Variants in NBAS observed in about 807,000 individuals in gnomAD.
NBAS encodes NAG/BC035112 fusion.
A neutral mutation model predicts 302.5 loss-of-function variants in NBAS; 219 were observed. The ratio of observed to expected loss-of-function variants is 0.72; its 90% CI spans 0.65 to 0.81. The LOEUF is 0.81. NBAS is among the 30% of genes least tolerant of loss of function. NBAS has a pLI of 0.00. For synonymous variants in NBAS, 1,118 were observed against 1,021.6 expected, an observed-to-expected ratio of 1.09 and a Z score of -1.80; for missense variants, 2,932 against 2,841.6, an observed-to-expected ratio of 1.03 and a Z score of -0.72.
At chr2:15,343,042 C>A (rs1672927304) in intron 35 of NBAS, among the ~76,000 whole-genome samples, 2 of 151,758 alleles carry the variant, frequency 1.3e-5, no homozygotes, top group African/African-American at 2.4e-5. Flanking sequence ...ATTCAGATAT[C>A]AAGAGTGGCT....
chr2:15,171,663 C>T (rs774120379), intron 51 of NBAS, among the ~76,000 whole-genome samples: 4 of 152,094 alleles, frequency 2.6e-5, no homozygotes, highest in African/African-American at 9.7e-5. Flanking sequence ...AACTGTGTCC[C>T]GCACAAATTC....
chr2:15,468,339 C>T (rs777027282), intron 17 of NBAS, 43 bp downstream of exon 17: 4 of 1,611,706 alleles, frequency 2.5e-6, no homozygotes, highest in East Asian at 2.2e-5. Context: ...AAAGTTTTCA[C>T]AAAGTCACCT....
intron 34 of NBAS, among the ~76,000 whole-genome samples, chr2:15,352,352 A>G (rs1673401680): frequency 6.6e-6 from 1 of 152,162 alleles, no homozygotes; most frequent in Non-Finnish European, 1.5e-5. Context: ...AACAGCCTCA[A>G]TTCTTGCCTC....
At chr2:15,234,970 G>T (rs1232835441) in intron 45 of NBAS, among the ~76,000 whole-genome samples, 3 of 152,198 alleles carry the variant, frequency 2.0e-5, no homozygotes, top group African/African-American at 7.2e-5. Flanking sequence ...GGGCCTTTGT[G>T]ATCTCAAATT....
At chr2:15,424,585 T>C (rs1418921723) in intron 22 of NBAS, 117 bp from the exon 23 acceptor site, 26 of 1,190,194 alleles carry the variant, frequency 2.2e-5, no homozygotes, top group Non-Finnish European at 2.4e-5. Context: ...GGAGCATACA[T>C]GTATGTGGTT....
chr2:14,980,262 C>T, the NBAS span, among the ~76,000 whole-genome samples: 1 of 152,084 alleles, frequency 6.6e-6, no homozygotes, highest in Non-Finnish European at 1.5e-5. Flanking sequence ...AGGCAAAGAC[C>T]ACCTCACTCC....
chr2:15,310,978 G>A (rs996389083), intron 38 of NBAS, among the ~76,000 whole-genome samples: 3 of 152,182 alleles, frequency 2.0e-5, no homozygotes, highest in Admixed American at 1.3e-4. Context: ...GAATGATACA[G>A]CAGGAAGGAA....
chr2:15,202,143 A>C (rs1160028734), intron 48 of NBAS, among the ~76,000 whole-genome samples: 1 of 152,212 alleles, frequency 6.6e-6, no homozygotes, highest in Admixed American at 6.5e-5. Context: ...AAACCCAATG[A>C]AAGAACAGGA....
chr2:15,023,742 A>G, the NBAS span, among the ~76,000 whole-genome samples: 777 of 151,372 alleles, frequency 5.1e-3, 7 homozygotes, highest in African/African-American at 0.018. Flanking sequence ...AAAATGTACA[A>G]CTTTTGCTCA....
At chr2:15,435,794 A>G (rs977750455) in intron 21 of NBAS, among the ~76,000 whole-genome samples, 1 of 152,174 alleles carries the variant, frequency 6.6e-6, no homozygotes, top group African/African-American at 2.4e-5. Context: ...TTTCGATAGT[A>G]TATAAGTGGT....
chr2:15,155,249 G>A, the NBAS span, among the ~76,000 whole-genome samples: 3 of 152,148 alleles, frequency 2.0e-5, no homozygotes, highest in Non-Finnish European at 4.4e-5. Flanking sequence ...AGAAAAATAT[G>A]TATGTCAAGC....
At chr2:15,235,843 T>C (rs991796423) in intron 45 of NBAS, among the ~76,000 whole-genome samples, 25 of 152,160 alleles carry the variant, frequency 1.6e-4, no homozygotes, top group African/African-American at 5.6e-4. Flanking sequence ...AAATTCTCTA[T>C]TTCAGAAAAA....
chr2:15,533,865 A>G (rs1166857260), intron 9 of NBAS, among the ~76,000 whole-genome samples: 2 of 151,904 alleles, frequency 1.3e-5, no homozygotes, highest in Non-Finnish European at 2.9e-5. Flanking sequence ...ACTTGTCAAT[A>G]AACACAGAGT....
chr2:14,851,446 C>T, the NBAS span, among the ~76,000 whole-genome samples: 2 of 150,922 alleles, frequency 1.3e-5, no homozygotes, highest in African/African-American at 2.5e-5. Context: ...CAATAGTTTA[C>T]CAACCAAAAA....
intron 11 of NBAS, among the ~76,000 whole-genome samples, chr2:15,498,633 G>A (rs1681161289): frequency 6.6e-6 from 1 of 152,160 alleles, no homozygotes; most frequent in African/African-American, 2.4e-5. Context: ...TCAAATTGGA[G>A]GGGCCTGATG....
At chr2:15,068,299 T>C in the NBAS span, among the ~76,000 whole-genome samples, 2 of 152,220 alleles carry the variant, frequency 1.3e-5, no homozygotes, top group South Asian at 2.1e-4. Flanking sequence ...ACATCTGTCA[T>C]GATCCATACA....
chr2:15,064,913 C>A, the NBAS span, among the ~76,000 whole-genome samples: 1 of 152,122 alleles, frequency 6.6e-6, no homozygotes, highest in African/African-American at 2.4e-5. Flanking sequence ...TGGGAGTTGT[C>A]CCTGGCATGC....
Position 15,400,109 on chromosome 2 carries a change from T to C in NBAS, c.3071+2059A>G, listed in dbSNP as rs1433392880. On this transcript the variant is annotated intron_variant, in intron 26 of 51. Transcript: ENST00000281513. ...GAAAGGAAAACCAAGAAATGCAATA[T>C]GCAACACGAGAGAGAGGCAAACGAA... 2.6e-5 allele frequency among the ~76,000 whole-genome samples: 4 copies of C among 151,914 alleles called. No individual in the cohort carries two copies. The East Asian group carries it at 7.8e-4, about 29-fold the overall frequency.
intron 32 of NBAS, among the ~76,000 whole-genome samples, chr2:15,356,953 G>A (rs1015023052): frequency 8.5e-5 from 13 of 152,266 alleles, no homozygotes; most frequent in African/African-American, 2.9e-4. Context: ...CCCTGTCCTT[G>A]GACATATCCT....
Sources: gnomAD v4.1 joint callset for allele counts (sites outside exome capture counted in the v4.1 genomes callset) on GRCh38, gnomAD v4.1.1 for gene constraint, MANE v1.5 for transcripts, NCBI Gene and HGNC (gene_info 2026-07-23, HGNC 2026-07-21) for gene names.